The following AQP11 variants were observed in gnomAD, a reference collection of about 807,000 sequenced individuals.
AQP11 encodes the protein aquaporin 11, also known as aquaporin-11.
A neutral mutation model predicts 21.1 loss-of-function variants in AQP11; 20 were observed. The ratio of observed to expected loss-of-function variants is 0.95; its 90% CI spans 0.67 to 1.38. AQP11 has a LOEUF of 1.38. AQP11 is among the 40% of genes most tolerant of loss of function. The pLI, the probability that AQP11 is intolerant of heterozygous loss-of-function variation, is 0.00. For missense variants in AQP11, 339 were observed against 340.4 expected (o/e 1.00, Z 0.03); for synonymous variants, 167 against 150.1 (o/e 1.11, Z -0.82).
chr11:77,598,608 T>C (rs1470813377), intron 1 of AQP11, among the ~76,000 whole-genome samples: 1 of 152,242 alleles, frequency 6.6e-6, no homozygotes, highest in Non-Finnish European at 1.5e-5. Flanking sequence ...CCATCCTCCA[T>C]GCCTCCATGC....
intron 1 of AQP11, among the ~76,000 whole-genome samples, chr11:77,592,448 C>T (rs965624005): frequency 6.6e-6 from 1 of 152,128 alleles, no homozygotes; most frequent in South Asian, 2.1e-4. Flanking sequence ...TTTATTTCTA[C>T]AATTAAAAGC....
chr11:77,602,041 G>C, intron 1 of AQP11, among the ~76,000 whole-genome samples: 1 of 152,218 alleles, frequency 6.6e-6, no homozygotes, highest in Non-Finnish European at 1.5e-5. Context: ...TTAAGAGAGG[G>C]AAAGTAGACA....
intron 1 of AQP11, among the ~76,000 whole-genome samples, chr11:77,601,344 CTTTTTTTTTT>C (rs36104720): frequency 5.4e-5 from 7 of 129,394 alleles, no homozygotes; most frequent in East Asian, 4.5e-4. Context: ...CCATTCAAAA[CTTTTTTTTTT>C]TTTTTTTTTT....
chr11:77,597,819 T>C (rs950743712), intron 1 of AQP11, among the ~76,000 whole-genome samples: 4 of 151,850 alleles, frequency 2.6e-5, no homozygotes, highest in Non-Finnish European at 5.9e-5. Context: ...AGTGGCGCGA[T>C]CTCGGCTCAC....
chr11:77,603,211 TTTA>T (rs1383986864), intron 1 of AQP11, among the ~76,000 whole-genome samples: 2 of 152,360 alleles, frequency 1.3e-5, no homozygotes, highest in East Asian at 1.9e-4. Context: ...TCATTTTACT[TTTA>T]TTATTATTCA....
intron 1 of AQP11, among the ~76,000 whole-genome samples, chr11:77,602,005 A>T (rs932836216): frequency 1.3e-5 from 2 of 152,236 alleles, no homozygotes; most frequent in Admixed American, 6.5e-5. Context: ...CATTCTATCA[A>T]CACAAGTTGC....
At chr11:77,604,547 T>C (rs1958833208) in intron 2 of AQP11, among the ~76,000 whole-genome samples, 1 of 152,242 alleles carries the variant, frequency 6.6e-6, no homozygotes, top group Non-Finnish European at 1.5e-5. Context: ...TGGCCCTCCA[T>C]TAATTCACTC....
At position 77,590,318 on chromosome 11, in the gene AQP11, TG is replaced by T. The variant is rs749836421; in HGVS notation, c.332del (p.Gly111AlafsTer9). ...TGCGGCGTGATGATGCAGATGATGC[TG>T]GGGGGCATGTCCCCCGAGACGGGTG... ...NPCGVMMQMM[L>X]GGMSPETGAV... On this transcript the variant is annotated frameshift_variant, in exon 1 of 3. Transcript: ENST00000313578. LOFTEE classifies it high-confidence loss of function. The T allele has an allele frequency of 1.2e-5, 20 of 1,609,648 alleles. No homozygotes were observed. The South Asian group carries it at 1.8e-4, about 14-fold the overall frequency.
intron 2 of AQP11, among the ~76,000 whole-genome samples, chr11:77,606,814 C>T (rs1958849354): frequency 6.6e-6 from 1 of 152,146 alleles, no homozygotes; most frequent in Non-Finnish European, 1.5e-5. Context: ...AGGCTGGTCT[C>T]GAACTCCTGG....
intron 1 of AQP11, among the ~76,000 whole-genome samples, chr11:77,599,353 T>C (rs948071346): frequency 6.6e-6 from 1 of 152,196 alleles, no homozygotes; most frequent in African/African-American, 2.4e-5. Context: ...ATGTGCCATG[T>C]TGGTTTGCTG....
At position 77,590,529 on chromosome 11, in the gene AQP11, C is replaced by A; in HGVS notation, c.537C>A (p.Ser179Arg). 6.2e-7 allele frequency: 1 copy of A among 1,614,194 alleles called. No homozygotes were observed. The highest frequency in any genetic ancestry group is 1.1e-5 in the South Asian group (1 of 91,086). ...TEAVCSFLFH[S>R]ALLHFQEVRT... ...CCGTCTGCTCCTTTCTCTTCCACAGCGCTCTGCTGCACTTCCAGGAAGTCC... is the reference window on the plus strand; with the variant it reads ...CCGTCTGCTCCTTTCTCTTCCACAGAGCTCTGCTGCACTTCCAGGAAGTCC... The change falls in exon 1 of 3, where the codon AGC (serine) becomes AGA (arginine). Residue 179 changes from serine (S) to arginine (R), a missense_variant. Physicochemically the swap from Ser to Arg is moderately radical, Grantham distance 110. Coordinates refer to ENST00000313578, the MANE Select transcript of AQP11 (RefSeq NM_173039.3).
At chr11:77,608,481 C>T (rs979331946) in intron 2 of AQP11, among the ~76,000 whole-genome samples, 2 of 152,086 alleles carry the variant, frequency 1.3e-5, no homozygotes, top group Non-Finnish European at 2.9e-5. Context: ...AGCATGGTGG[C>T]GGGCGCCTGT....
chr11:77,609,176 A>G (rs1958863170), intron 2 of AQP11, 122 bp from the exon 3 acceptor site: 1 of 610,006 alleles, frequency 1.6e-6, no homozygotes. Flanking sequence ...GATGTAGCCA[A>G]TTCTTTAAGC....
intron 1 of AQP11, among the ~76,000 whole-genome samples, chr11:77,594,248 T>A (rs1958765629): frequency 6.6e-6 from 1 of 152,348 alleles, no homozygotes; most frequent in Non-Finnish European, 1.5e-5. Context: ...ATACAATTTT[T>A]AAGTTACAAA....
intron 2 of AQP11, among the ~76,000 whole-genome samples, chr11:77,608,209 C>G (rs778510925): frequency 5.3e-5 from 8 of 152,366 alleles, no homozygotes; most frequent in Non-Finnish European, 1.0e-4. Context: ...AGGATAGTGA[C>G]TTGAGCCCTT....
At chr11:77,608,672 G>A (rs896522524) in intron 2 of AQP11, among the ~76,000 whole-genome samples, 2 of 152,074 alleles carry the variant, frequency 1.3e-5, no homozygotes, top group East Asian at 1.9e-4. Flanking sequence ...TTCCACCATC[G>A]ACTGAAATTT....
chr11:77,600,828 C>T lies in AQP11; in HGVS notation c.620-2728C>T, dbSNP rs1052120183. 2.4e-3 allele frequency among the ~76,000 whole-genome samples: 362 copies of T among 152,002 alleles called. 1 individual carries two copies. Among genetic ancestry groups the T allele is most frequent in the African/African-American group, 8.4e-3 (348 of 41,500 alleles). ...GAGATCGAGACCATCCCGGCTAAAA[C>T]GGTGAAACCCCGTCTCTACTAAAAA... On this transcript the variant is annotated intron_variant, in intron 1 of 2. Transcript: ENST00000313578.
In AQP11 at chr11:77,603,734, A is replaced by G. The variant is rs537505008; in HGVS notation, c.736+62A>G. 1,866 of 1,204,594 alleles carry G rather than the reference A, an allele frequency of 1.5e-3. 3 individuals are homozygous for G. Among genetic ancestry groups the G allele is most frequent in the South Asian group, 3.1e-3 (184 of 58,938 alleles). 74.6% of individuals were successfully genotyped at this position (1,204,594 alleles called of 1,614,324 possible). The stretch of plus-strand genomic sequence containing the variant: ...GGGTATTTTAAAATATGATATGTGT[A>G]TATCATTGTAACATGTCAATTTCCA... On this transcript the variant is annotated intron_variant, in intron 2 of 2. Coordinates refer to ENST00000313578, the MANE Select transcript of AQP11 (RefSeq NM_173039.3).
At chr11:77,591,216 AATG>A (rs568579123) in intron 1 of AQP11, 57 of 950,350 alleles carry the variant, frequency 6.0e-5, no homozygotes, top group African/African-American at 5.5e-4. Context: ...AAAATGTTTA[AATG>A]ATAACTTGCT....
Sources: allele counts gnomAD v4.1 joint callset (sites outside exome capture counted in the v4.1 genomes callset), GRCh38; gene constraint gnomAD v4.1.1; transcripts MANE v1.5; gene names NCBI Gene and HGNC (gene_info 2026-07-23, HGNC 2026-07-21).